ELMOD3: variants seen among roughly 807,000 people sequenced by gnomAD.
ELMOD3 encodes ELMO domain containing 3.
Under a neutral mutation model 47.4 loss-of-function variants are expected in ELMOD3, and 36 were observed. The ratio of observed to expected loss-of-function variants is 0.76; its 90% CI spans 0.58 to 1.00. ELMOD3 has a LOEUF of 1.00. ELMOD3 is among the 50% of genes least tolerant of loss of function. The pLI is 0.00. For missense variants in ELMOD3, 404 were observed against 463.8 expected (o/e 0.87, Z 1.18); for synonymous variants, 149 against 183.5 (o/e 0.81, Z 1.52).
chr2:85,369,487 C>G (rs572141222), intron 7 of ELMOD3, among the ~76,000 whole-genome samples: 9 of 152,316 alleles, frequency 5.9e-5, no homozygotes, highest in Admixed American at 1.3e-4. Context: ...TAGGGATCAC[C>G]TCGTGGGGCA....
intron 10 of ELMOD3, chr2:85,371,849 C>A (rs1199274954): frequency 3.3e-6 from 1 of 305,860 alleles, no homozygotes; most frequent in Non-Finnish European, 6.3e-6. Flanking sequence ...GCCTGGCCAA[C>A]ATGATGAAAT....
chr2:85,371,667 G>A (rs1684797612), intron 10 of ELMOD3, 105 bp downstream of exon 10: 2 of 1,513,232 alleles, frequency 1.3e-6, no homozygotes, highest in African/African-American at 1.4e-5. Context: ...GAAGATCTTG[G>A]GGGAGTATTC....
chr2:85,373,129 C>T lies in ELMOD3; in HGVS notation c.607+1567C>T, dbSNP rs922185450. ...AATTAGCCAGGCATGGGGGTGTGCA[C>T]CTGTAATCCCAGCTACTCAGGAGGC... On this transcript the variant is annotated intron_variant, in intron 10 of 13. Transcript: ENST00000409013. Among the ~76,000 whole-genome samples, 5 of 151,718 alleles carry T rather than the reference C, an allele frequency of 3.3e-5. No individual in the cohort carries two copies. In the South Asian group the frequency reaches 6.3e-4, roughly 19 times the overall value.
At chr2:85,371,358 C>G in intron 9 of ELMOD3, 82 bp from the exon 10 acceptor site, 1 of 1,601,150 alleles carries the variant, frequency 6.2e-7, no homozygotes, top group Non-Finnish European at 8.5e-7. Context: ...GTCTCACAGT[C>G]CAGATCTCAC....
At chr2:85,381,022 T>A (rs1685502008) in intron 11 of ELMOD3, among the ~76,000 whole-genome samples, 1 of 152,226 alleles carries the variant, frequency 6.6e-6, no homozygotes, top group Admixed American at 6.5e-5. Flanking sequence ...TATCAGAATT[T>A]TAGGAGTTTC....
intron 6 of ELMOD3, among the ~76,000 whole-genome samples, chr2:85,364,992 G>A (rs1246058382): frequency 6.7e-6 from 1 of 150,128 alleles, no homozygotes; most frequent in Non-Finnish European, 1.5e-5. Flanking sequence ...AAAAATTTGA[G>A]ATGGAGACGG....
chr2:85,386,273 G>T (rs767115780), intron 11 of ELMOD3, among the ~76,000 whole-genome samples: 11 of 151,880 alleles, frequency 7.2e-5, no homozygotes, highest in Non-Finnish European at 1.5e-4. Flanking sequence ...GTCAGTTTCA[G>T]TGCAGTATTT....
intron 11 of ELMOD3, 80 bp downstream of exon 11, chr2:85,377,554 A>T (rs1685247668): frequency 6.9e-7 from 1 of 1,452,746 alleles, no homozygotes; most frequent in Non-Finnish European, 9.2e-7. Flanking sequence ...CTCCCAGGAC[A>T]GCTGAGATAA....
At chr2:85,377,997 G>T (rs1369957862) in intron 11 of ELMOD3, among the ~76,000 whole-genome samples, 2 of 152,194 alleles carry the variant, frequency 1.3e-5, no homozygotes, top group Non-Finnish European at 2.9e-5. Flanking sequence ...AAGGAAGGAA[G>T]AAATAACTTG....
chr2:85,374,651 A>C (rs1183730783), intron 10 of ELMOD3, among the ~76,000 whole-genome samples: 5 of 152,048 alleles, frequency 3.3e-5, no homozygotes, highest in East Asian at 1.9e-4. Flanking sequence ...CAAAAAAAAA[A>C]ACTTTTGTTT....
intron 6 of ELMOD3, among the ~76,000 whole-genome samples, chr2:85,366,569 A>G (rs577533501): frequency 1.1e-4 from 17 of 152,230 alleles, no homozygotes; most frequent in Admixed American, 2.0e-4. Flanking sequence ...TCTCCTAGGA[A>G]GTAGAATTAC....
intron 10 of ELMOD3, among the ~76,000 whole-genome samples, chr2:85,375,677 C>T (rs775829313): frequency 5.3e-5 from 8 of 152,150 alleles, no homozygotes; most frequent in Non-Finnish European, 8.8e-5. Flanking sequence ...TAACAAATTA[C>T]CACAAACCTA....
In ELMOD3 at chr2:85,390,779, G is replaced by C; in HGVS notation, c.963G>C (p.Lys321Asn). ...TTGCAGAGTTGGAAGTATTGGCCAA[G>C]AAGAGCCCACGGCGGCTGCTCAAGA... ...FVLKELEVLA[K>N]KSPRRLLKTL... Residue 321 changes from lysine to asparagine, a missense_variant, in exon 14 of 14, where the codon AAG becomes AAC. By Grantham distance (94) the Lys-to-Asn change is moderately conservative (BLOSUM62 0). Coordinates refer to ENST00000409013, the MANE Select transcript of ELMOD3 (RefSeq NM_001135022.2). 1 of 1,551,344 alleles carries C rather than the reference G, an allele frequency of 6.4e-7. No homozygotes were observed. The highest frequency in any genetic ancestry group is 8.7e-7 in the Non-Finnish European group (1 of 1,146,990).
Position 85,384,285 on chromosome 2 carries a change from TG to T in ELMOD3, c.739-5464del, listed in dbSNP as rs1558717019. 2.8e-3 allele frequency among the ~76,000 whole-genome samples: 433 copies of T among 152,388 alleles called. 1 individual carries two copies. The highest frequency in any genetic ancestry group is 9.7e-3 in the African/African-American group (403 of 41,598). Reference sequence around the variant, plus strand: ...TTGTTTTCACAATAGAAACTTCAGCTGGCTCATTGGGAAAATTAGAGACAAT... The same window carrying T: ...TTGTTTTCACAATAGAAACTTCAGCTGCTCATTGGGAAAATTAGAGACAAT... On this transcript the variant is annotated intron_variant, in intron 11 of 13. Coordinates refer to ENST00000409013, the MANE Select transcript of ELMOD3 (RefSeq NM_001135022.2).
chr2:85,370,419 T>TAA lies in ELMOD3; in HGVS notation c.360+603_360+604dup, dbSNP rs569181155. ...GCAACAGAGTGAAACCCTGTCTCCG[T>TAA]AAAAAAAAAAAAAAAGCTGGGGAGC... is the stretch of plus-strand genomic sequence containing the variant. On this transcript the variant is annotated intron_variant, in intron 8 of 13. Transcript: ENST00000409013. Among the ~76,000 whole-genome samples, 132 of 121,338 alleles carry TAA rather than the reference T, an allele frequency of 1.1e-3. 1 individual carries two copies. The highest frequency in any genetic ancestry group is 1.5e-3 in the South Asian group (6 of 3,914). The allele number at this position is 121,338 out of a possible 152,430, so 79.6% of individuals were successfully genotyped here. A position where few individuals can be genotyped will look rare whatever the true frequency, so the allele number is the denominator to read the frequency against.
At chr2:85,389,533 T>C (rs1686176263) in intron 11 of ELMOD3, 1 of 592,546 alleles carries the variant, frequency 1.7e-6, no homozygotes, top group African/African-American at 1.9e-5. Flanking sequence ...GTTGGTATCC[T>C]GGTTCCCATG....
intron 6 of ELMOD3, among the ~76,000 whole-genome samples, chr2:85,365,447 G>A (rs146705323): frequency 6.6e-4 from 100 of 152,174 alleles, no homozygotes; most frequent in African/African-American, 2.3e-3. Flanking sequence ...ATGAGTAAGT[G>A]GAAGAGAGCT....
chr2:85,389,737 C>G lies in ELMOD3; in HGVS notation c.739-14C>G. 1 of 1,613,158 alleles carries G rather than the reference C, an allele frequency of 6.2e-7. No individual in the cohort carries two copies. Among genetic ancestry groups the G allele is most frequent in the Admixed American group, 1.7e-5 (1 of 60,006 alleles). ...AGCTGGAGTTGCTGCTGACTGGGTG[C>G]CCCTCCATTCCAGCAATTCCCTTTC... On this transcript the variant is annotated splice_polypyrimidine_tract_variant and intron_variant, in intron 11 of 13. Transcript: ENST00000409013.
At position 85,376,101 on chromosome 2, in the gene ELMOD3, G is replaced by A. The variant is rs1685151753; in HGVS notation, c.608-1243G>A. 6.6e-6 allele frequency among the ~76,000 whole-genome samples: 1 copy of A among 152,140 alleles called. No individual in the cohort carries two copies. The highest frequency in any genetic ancestry group is 1.5e-5 in the Non-Finnish European group (1 of 68,036). On this transcript the variant is annotated intron_variant, in intron 10 of 13. Coordinates refer to ENST00000409013, the MANE Select transcript of ELMOD3 (RefSeq NM_001135022.2). This position sits in a 1 kb window ranked among gnomAD's most constrained non-coding sequence, Gnocchi z 4.2. ...CATAGTCATAGCTTCTGGGGACATG[G>A]TCATCGTGGGGCGGGGGGATTATTT...
Sources: allele counts gnomAD v4.1 joint callset (sites outside exome capture counted in the v4.1 genomes callset), GRCh38; gene constraint gnomAD v4.1.1; non-coding constraint Gnocchi (gnomAD v3.1); transcripts MANE v1.5; gene names NCBI Gene and HGNC (gene_info 2026-07-23, HGNC 2026-07-21).